KCNQ5: variants seen among roughly 807,000 people sequenced by gnomAD.
The protein encoded by KCNQ5 is potassium voltage-gated channel subfamily Q member 5, also known as potassium voltage-gated channel subfamily KQT member 5.
A neutral mutation model predicts 98.2 loss-of-function variants in KCNQ5; 30 were observed. The ratio of observed to expected loss-of-function variants is 0.31; its 90% CI spans 0.23 to 0.41. The LOEUF is 0.41. Among genes scored for constraint, KCNQ5 ranks in the 10% least tolerant of loss-of-function variants. The probability of loss-of-function intolerance (pLI) is 1.00; values close to 1 mark genes in which losing one functional copy is unlikely to be tolerated. For synonymous variants in KCNQ5, 458 were observed against 449.4 expected (o/e 1.02, Z -0.24); for missense variants, 835 against 1,182.5 (o/e 0.71, Z 4.31).
intron 3 of KCNQ5, 67 bp downstream of exon 3, chr6:73,042,129 G>A (rs1211098941): frequency 4.4e-6 from 7 of 1,575,618 alleles, no homozygotes; most frequent in Non-Finnish European, 5.2e-6. Context: ...CTCCTGTTTT[G>A]CAATATTTGA....
intron 13 of KCNQ5, 146 bp downstream of exon 13, chr6:73,192,837 A>G: frequency 1.5e-6 from 1 of 653,542 alleles, no homozygotes; most frequent in South Asian, 4.1e-5. Context: ...CTTTGTGTGT[A>G]GACAGTGCTC....
At chr6:72,978,891 T>C (rs981046140) in intron 1 of KCNQ5, among the ~76,000 whole-genome samples, 4 of 152,180 alleles carry the variant, frequency 2.6e-5, no homozygotes, top group Non-Finnish European at 4.4e-5. Context: ...AGTGTTCTCA[T>C]TGTTCAGTTC....
intron 1 of KCNQ5, among the ~76,000 whole-genome samples, chr6:72,773,087 A>C (rs1772985464): frequency 6.6e-6 from 1 of 152,174 alleles, no homozygotes; most frequent in South Asian, 2.1e-4. Flanking sequence ...AGAACTAGAA[A>C]TACCATTTGA....
At chr6:72,981,050 AT>A (rs1768416852) in intron 1 of KCNQ5, among the ~76,000 whole-genome samples, 1 of 151,874 alleles carries the variant, frequency 6.6e-6, no homozygotes, top group Non-Finnish European at 1.5e-5. Context: ...TGTGCTGCTG[AT>A]TTGGTTTGCC....
Position 72,831,367 on chromosome 6 carries a change from A to G in KCNQ5, c.399-172541A>G, listed in dbSNP as rs370436900. ...ATGATAGACTGGATTAAGAAAATGT[A>G]GCACATATACACCATGGAATACTAT... is the stretch of plus-strand genomic sequence containing the variant. On this transcript the variant is annotated intron_variant, in intron 1 of 13. Coordinates refer to ENST00000370398, the MANE Select transcript of KCNQ5 (RefSeq NM_019842.4). Among the ~76,000 whole-genome samples, 36 of 152,264 alleles carry G rather than the reference A, an allele frequency of 2.4e-4. No individual in the cohort carries two copies. The East Asian group carries it at 2.7e-3, about 11-fold the overall frequency.
At chr6:72,692,318 CTGAG>C (rs1264733154) in intron 1 of KCNQ5, among the ~76,000 whole-genome samples, 1 of 152,162 alleles carries the variant, frequency 6.6e-6, no homozygotes, top group Admixed American at 6.5e-5. Flanking sequence ...GAAACATTCA[CTGAG>C]TAAGTCACAT....
At chr6:73,157,330 C>G (rs1044680050) in intron 10 of KCNQ5, among the ~76,000 whole-genome samples, 12 of 152,004 alleles carry the variant, frequency 7.9e-5, no homozygotes, top group Admixed American at 5.9e-4. Flanking sequence ...CAGAAAAGGG[C>G]TGAGGAAGAG....
intron 1 of KCNQ5, among the ~76,000 whole-genome samples, chr6:72,729,909 C>G (rs1770473566): frequency 6.6e-6 from 1 of 152,096 alleles, no homozygotes; most frequent in African/African-American, 2.4e-5. Flanking sequence ...ACTTATAATC[C>G]CAGCATTTTG....
At chr6:73,158,838 A>G (rs1033550748) in intron 10 of KCNQ5, among the ~76,000 whole-genome samples, 1 of 152,168 alleles carries the variant, frequency 6.6e-6, no homozygotes, top group African/African-American at 2.4e-5. Context: ...AAATATTTTC[A>G]TGTTATTACA....
chr6:72,941,363 T>C lies in KCNQ5; in HGVS notation c.399-62545T>C, dbSNP rs530487788. Among the ~76,000 whole-genome samples, 4 of 38,518 alleles carry C rather than the reference T, an allele frequency of 1.0e-4. No homozygotes were observed. The South Asian group carries it at 6.4e-3, about 62-fold the overall frequency. 25.3% of individuals were successfully genotyped at this position (38,518 alleles called of 152,430 possible). ...TTCCTTTCTTCCTTCCTTCTTTTCTTCCTTCCTTCTTTCCTCCTTCCTTCC... is the reference window on the plus strand; with the variant it reads ...TTCCTTTCTTCCTTCCTTCTTTTCTCCCTTCCTTCTTTCCTCCTTCCTTCC... On this transcript the variant is annotated intron_variant, in intron 1 of 13. Transcript: ENST00000370398.
In KCNQ5 at chr6:73,074,755, TAAA is replaced by T. The variant is rs5877347; in HGVS notation, c.617-2554_617-2552del. ...AAGGATTAAATAAGGTAATGTTTAT[TAAA>T]AAAAAAAAAAAACCTTAGAACTGAA... On this transcript the variant is annotated intron_variant, in intron 3 of 13. Coordinates refer to ENST00000370398, the MANE Select transcript of KCNQ5 (RefSeq NM_019842.4). Among the ~76,000 whole-genome samples, 664 of 146,456 alleles carry T rather than the reference TAAA, an allele frequency of 4.5e-3. 4 individuals carry two copies. The highest frequency in any genetic ancestry group is 7.9e-3 in the South Asian group (36 of 4,542).
intron 1 of KCNQ5, among the ~76,000 whole-genome samples, chr6:72,848,350 C>G (rs1777102906): frequency 6.6e-6 from 1 of 152,142 alleles, no homozygotes; most frequent in African/African-American, 2.4e-5. Flanking sequence ...TGCTCTCCCT[C>G]TCCTCATCCC....
intron 1 of KCNQ5, among the ~76,000 whole-genome samples, chr6:72,830,795 G>A (rs1776225862): frequency 6.6e-6 from 1 of 152,080 alleles, no homozygotes; most frequent in Non-Finnish European, 1.5e-5. Flanking sequence ...GAGTGAACAG[G>A]CAACCTACAG....
At chr6:72,795,047 C>T (rs1375895365) in intron 1 of KCNQ5, among the ~76,000 whole-genome samples, 1 of 152,130 alleles carries the variant, frequency 6.6e-6, no homozygotes, top group East Asian at 1.9e-4. Context: ...TGCTCTGTCT[C>T]ATCTGAATTG....
At chr6:73,119,006 G>C (rs1454906819) in intron 7 of KCNQ5, among the ~76,000 whole-genome samples, 1 of 152,220 alleles carries the variant, frequency 6.6e-6, no homozygotes, top group Non-Finnish European at 1.5e-5. Flanking sequence ...GGGGGACAGA[G>C]GGAGACCCTG....
At chr6:73,091,058 T>G (rs769455433) in intron 5 of KCNQ5, among the ~76,000 whole-genome samples, 1 of 152,138 alleles carries the variant, frequency 6.6e-6, no homozygotes, top group South Asian at 2.1e-4. Context: ...AGTAGTAAAG[T>G]CTTGGAACCA....
intron 13 of KCNQ5, among the ~76,000 whole-genome samples, chr6:73,193,019 AT>A (rs66904981): frequency 0.08 from 10,262 of 127,796 alleles, 426 homozygotes; most frequent in East Asian, 0.16. Flanking sequence ...TAGGTCATTA[AT>A]TTTTTTTTTT....
At chr6:72,703,740 C>A (rs1405139832) in intron 1 of KCNQ5, among the ~76,000 whole-genome samples, 3 of 152,092 alleles carry the variant, frequency 2.0e-5, no homozygotes, top group Non-Finnish European at 4.4e-5. Context: ...TTATCGAATT[C>A]TATTTGTGAT....
At chr6:73,022,772 C>T (rs1394302284) in intron 2 of KCNQ5, among the ~76,000 whole-genome samples, 1 of 152,122 alleles carries the variant, frequency 6.6e-6, no homozygotes, top group Non-Finnish European at 1.5e-5. Flanking sequence ...TTTCCACTGG[C>T]AATTGAAGGA....
Sources: gnomAD v4.1 joint callset for allele counts (sites outside exome capture counted in the v4.1 genomes callset) on GRCh38, gnomAD v4.1.1 for gene constraint, MANE v1.5 for transcripts, NCBI Gene and HGNC (gene_info 2026-07-23, HGNC 2026-07-21) for gene names.